ANKS1B: variants seen among roughly 807,000 people sequenced by gnomAD.
ANKS1B encodes the protein ankyrin repeat and sterile alpha motif domain-containing protein 1B.
ANKS1B carries 36 observed loss-of-function variants against 148.3 expected under a neutral mutation model. The observed-to-expected ratio is 0.24, with a 90% CI of 0.19 to 0.32. The LOEUF (loss-of-function observed/expected upper bound fraction) is 0.32, where lower values mean the gene tolerates loss of function less well. Among genes scored for constraint, ANKS1B ranks in the 10% least tolerant of loss-of-function variants. ANKS1B has a pLI of 1.00. For missense variants in ANKS1B, 1,157 were observed against 1,542.6 expected (o/e 0.75, Z 4.19); for synonymous variants, 542 against 560.8 (o/e 0.97, Z 0.47).
chr12:99,411,258 G>T (rs2094696532), intron 11 of ANKS1B, among the ~76,000 whole-genome samples: 1 of 152,170 alleles, frequency 6.6e-6, no homozygotes, highest in Non-Finnish European at 1.5e-5. Context: ...TTATGTCTGT[G>T]TGTACCCAAT....
intron 22 of ANKS1B, among the ~76,000 whole-genome samples, chr12:98,797,877 G>C (rs2098964189): frequency 6.6e-6 from 1 of 152,136 alleles, no homozygotes. Flanking sequence ...TAAAAGTTAG[G>C]ATTGCACTTA....
At chr12:99,564,326 A>T (rs560545414) in intron 9 of ANKS1B, among the ~76,000 whole-genome samples, 1 of 152,232 alleles carries the variant, frequency 6.6e-6, no homozygotes, top group East Asian at 1.9e-4. Context: ...GCAATTAAAG[A>T]GAATTGTATA....
intron 20 of ANKS1B, 91 bp downstream of exon 20, chr12:98,807,753 C>T (rs2099062022): frequency 1.6e-5 from 17 of 1,061,080 alleles, no homozygotes; most frequent in Non-Finnish European, 2.3e-5. Context: ...TCTGCATTGC[C>T]AGGACACAGT....
At chr12:99,193,720 T>C (rs2081027790) in intron 14 of ANKS1B, among the ~76,000 whole-genome samples, 1 of 150,836 alleles carries the variant, frequency 6.6e-6, no homozygotes, top group South Asian at 2.1e-4. Flanking sequence ...ACTTTCTTCC[T>C]GGCCTCTCTA....
At chr12:99,224,674 C>T (rs758635999) in intron 14 of ANKS1B, among the ~76,000 whole-genome samples, 10 of 152,244 alleles carry the variant, frequency 6.6e-5, no homozygotes, top group Non-Finnish European at 1.2e-4. Context: ...GAAAAAATTA[C>T]GCAGTCTCAG....
At chr12:99,338,460 T>A (rs2089351831) in intron 12 of ANKS1B, among the ~76,000 whole-genome samples, 1 of 152,082 alleles carries the variant, frequency 6.6e-6, no homozygotes, top group Non-Finnish European at 1.5e-5. Context: ...TCCAGAAATG[T>A]CATCTAAGAG....
At chr12:99,472,169 A>T (rs1595489727) in intron 10 of ANKS1B, among the ~76,000 whole-genome samples, 1 of 152,120 alleles carries the variant, frequency 6.6e-6, no homozygotes, top group South Asian at 2.1e-4. Context: ...TTCTCAGAAC[A>T]TATCTATGTC....
At chr12:98,948,938 C>A (rs1161372072) in intron 17 of ANKS1B, among the ~76,000 whole-genome samples, 1 of 113,098 alleles carries the variant, frequency 8.8e-6, no homozygotes, top group African/African-American at 4.5e-5. Flanking sequence ...GAGATATGAG[C>A]ATGAGCTACT....
chr12:99,952,027 AAAG>A (rs1566069257), intron 1 of ANKS1B, among the ~76,000 whole-genome samples: 2 of 152,238 alleles, frequency 1.3e-5, no homozygotes, highest in African/African-American at 4.8e-5. Flanking sequence ...CACTTTAAAA[AAAG>A]AAGAAAAAAG....
intron 12 of ANKS1B, among the ~76,000 whole-genome samples, chr12:99,306,835 T>G (rs1848002689): frequency 6.6e-6 from 1 of 152,126 alleles, no homozygotes; most frequent in South Asian, 2.1e-4. Flanking sequence ...TACAGTTGAT[T>G]TTTTTAACCT....
At chr12:99,296,959 G>A (rs1057152482) in intron 12 of ANKS1B, among the ~76,000 whole-genome samples, 6 of 152,102 alleles carry the variant, frequency 3.9e-5, no homozygotes, top group Non-Finnish European at 5.9e-5. Context: ...TATGAATTGC[G>A]TTGGGCTAGA....
intron 12 of ANKS1B, among the ~76,000 whole-genome samples, chr12:99,385,515 A>G (rs2093824845): frequency 6.6e-6 from 1 of 152,198 alleles, no homozygotes; most frequent in Non-Finnish European, 1.5e-5. Flanking sequence ...TTATTGCCTG[A>G]AAGGGAATAT....
intron 1 of ANKS1B, among the ~76,000 whole-genome samples, chr12:99,900,953 C>T (rs749636178): frequency 1.6e-4 from 24 of 152,140 alleles, no homozygotes; most frequent in Non-Finnish European, 3.1e-4. Flanking sequence ...TGTAACTATA[C>T]TTTTTGTTTC....
chr12:99,246,943 T>C (rs1251522337), intron 12 of ANKS1B, 79 bp from the exon 13 acceptor site: 1 of 1,104,914 alleles, frequency 9.1e-7, no homozygotes. Context: ...CTTATGAACA[T>C]GTGGGCTATC....
intron 8 of ANKS1B, among the ~76,000 whole-genome samples, chr12:99,768,826 A>G (rs1457525478): frequency 3.7e-4 from 18 of 48,820 alleles, no homozygotes; most frequent in South Asian, 1.5e-3. Flanking sequence ...TCCGTCTCAG[A>G]AAAAAAAAAA....
intron 12 of ANKS1B, among the ~76,000 whole-genome samples, chr12:99,302,251 T>C (rs74979763): frequency 0.017 from 2,628 of 152,208 alleles, 50 homozygotes; most frequent in Non-Finnish European, 0.02. Flanking sequence ...CAGGGGAATT[T>C]TGCCGCAGTG....
chr12:99,047,218 G>C (rs1387115739), intron 17 of ANKS1B, among the ~76,000 whole-genome samples: 1 of 152,068 alleles, frequency 6.6e-6, no homozygotes, highest in East Asian at 1.9e-4. Context: ...TGGCCAACAT[G>C]GTGAAACCCT....
rs2079189943 is a variant in ANKS1B at position 99,182,151 on chromosome 12, A to G, written c.2420-27756T>C. 3.3e-5 allele frequency among the ~76,000 whole-genome samples: 5 copies of G among 152,174 alleles called. No homozygotes were observed. The South Asian group carries it at 1.0e-3, about 32-fold the overall frequency. Reference sequence around the variant, plus strand: ...CAAGGGGAAGCAAGGCACATTTTATATGGTGGCAGGGCGTAGGGACTGCCA... The same window carrying G: ...CAAGGGGAAGCAAGGCACATTTTATGTGGTGGCAGGGCGTAGGGACTGCCA... On this transcript the variant is annotated intron_variant, in intron 14 of 26. Transcript: ENST00000683438.
At chr12:99,221,137 A>T (rs1468378347) in intron 14 of ANKS1B, among the ~76,000 whole-genome samples, 1 of 152,116 alleles carries the variant, frequency 6.6e-6, no homozygotes, top group Admixed American at 6.5e-5. Flanking sequence ...CAGGAGATCG[A>T]GACCATCCTG....
Sources: allele counts gnomAD v4.1 joint callset (sites outside exome capture counted in the v4.1 genomes callset), GRCh38; gene constraint gnomAD v4.1.1; transcripts MANE v1.5; gene names NCBI Gene and HGNC (gene_info 2026-07-23, HGNC 2026-07-21).